The following PPCDC variants were observed in gnomAD, a reference collection of about 807,000 sequenced individuals.
PPCDC encodes phosphopantothenoylcysteine decarboxylase.
PPCDC carries 20 observed loss-of-function variants against 20.7 expected under a neutral mutation model. The observed-to-expected ratio is 0.97, with a 90% confidence interval of 0.68 to 1.41. The LOEUF (loss-of-function observed/expected upper bound fraction) is 1.41. Ranked by LOEUF, PPCDC falls within the 40% of genes most tolerant of loss-of-function variation. PPCDC has a pLI of 0.00. For missense variants in PPCDC, 246 were observed against 263.8 expected (o/e 0.93, Z 0.47); for synonymous variants, 88 against 100.3 (o/e 0.88, Z 0.73).
At position 75,049,965 on chromosome 15, in the gene PPCDC, C is replaced by G. The variant is rs1235790154; in HGVS notation, c.*730C>G. On this transcript the variant is annotated 3_prime_UTR_variant, in exon 6 of 6. Coordinates refer to ENST00000342932, the MANE Select transcript of PPCDC (RefSeq NM_021823.5). Reference sequence around the variant, plus strand: ...CAGTTTGGTTCAGGACTTAGCCTTCCTGACCTTCACTTACCTCAGCTATCT... The same window carrying G: ...CAGTTTGGTTCAGGACTTAGCCTTCGTGACCTTCACTTACCTCAGCTATCT... The G allele has an allele frequency of 6.6e-6, 1 of 152,226 alleles. No homozygotes were observed. Among genetic ancestry groups the G allele is most frequent in the African/African-American group, 2.4e-5 (1 of 41,454 alleles). The allele number at this position is 152,226 out of a possible 1,614,324, so 9.4% of individuals were successfully genotyped here. A position where few individuals can be genotyped will look rare whatever the true frequency, so the allele number is the denominator to read the frequency against.
At chr15:75,027,728 A>G (rs1415343559) in intron 1 of PPCDC, among the ~76,000 whole-genome samples, 1 of 152,034 alleles carries the variant, frequency 6.6e-6, no homozygotes, top group East Asian at 1.9e-4. Context: ...TTCTAAAACC[A>G]AAACTCCTCA....
At chr15:75,030,795 G>A (rs551913655) in intron 2 of PPCDC, among the ~76,000 whole-genome samples, 1 of 152,308 alleles carries the variant, frequency 6.6e-6, no homozygotes, top group Admixed American at 6.5e-5. Flanking sequence ...TGGGGTGTGG[G>A]CTGCAGGGAG....
At chr15:75,032,100 A>G (rs2066028287) in intron 2 of PPCDC, among the ~76,000 whole-genome samples, 1 of 152,168 alleles carries the variant, frequency 6.6e-6, no homozygotes, top group Non-Finnish European at 1.5e-5. Context: ...TTCAGGTTTG[A>G]AATAATCAGC....
chr15:75,028,080 T>G, intron 1 of PPCDC, 167 bp from the exon 2 acceptor site: 27 of 519,896 alleles, frequency 5.2e-5, no homozygotes, highest in East Asian at 1.4e-4. Context: ...GACTGGCCCA[T>G]GTGTGGGGAA....
chr15:75,048,870 C>A, intron 5 of PPCDC, 149 bp downstream of exon 5: 2 of 1,176,612 alleles, frequency 1.7e-6, no homozygotes, highest in Non-Finnish European at 2.4e-6. Context: ...AATCGTAATT[C>A]CTGCCTCCAG....
rs1173558489 is a variant in PPCDC at position 75,042,413 on chromosome 15, G to T, written c.136-1028G>T. Reference sequence around the variant, plus strand: ...CGCCTGTAACACTAGCACTTTGGGAGACTGGGGCGGGTGGATCACCTGAGG... The same window carrying T: ...CGCCTGTAACACTAGCACTTTGGGATACTGGGGCGGGTGGATCACCTGAGG... On this transcript the variant is annotated intron_variant, in intron 2 of 5. Transcript: ENST00000342932. Among the ~76,000 whole-genome samples, 4 of 152,246 alleles carry T rather than the reference G, an allele frequency of 2.6e-5. No homozygotes were observed. The East Asian group carries it at 7.7e-4, about 29-fold the overall frequency.
intron 2 of PPCDC, among the ~76,000 whole-genome samples, chr15:75,038,413 G>T (rs1028401295): frequency 6.6e-6 from 1 of 152,218 alleles, no homozygotes; most frequent in African/African-American, 2.4e-5. Flanking sequence ...GCAAACAGCA[G>T]ACCAACTCTG....
chr15:75,032,195 G>A (rs953781155), intron 2 of PPCDC, among the ~76,000 whole-genome samples: 3 of 152,130 alleles, frequency 2.0e-5, no homozygotes, highest in African/African-American at 4.8e-5. Flanking sequence ...GACAGACATC[G>A]CCCTAGCTTT....
chr15:75,023,931 G>C (rs1175289379), intron 1 of PPCDC, among the ~76,000 whole-genome samples: 2 of 152,166 alleles, frequency 1.3e-5, no homozygotes, highest in African/African-American at 4.8e-5. Flanking sequence ...TATTTGTCCA[G>C]TGTCGTTTAA....
At chr15:75,030,343 G>A (rs1305954709) in intron 2 of PPCDC, among the ~76,000 whole-genome samples, 1 of 152,202 alleles carries the variant, frequency 6.6e-6, no homozygotes, top group South Asian at 2.1e-4. Flanking sequence ...GGTTGTGTGT[G>A]TTTCCTGGCC....
intron 1 of PPCDC, among the ~76,000 whole-genome samples, chr15:75,024,908 C>A (rs1335220600): frequency 1.5e-5 from 2 of 130,452 alleles, no homozygotes; most frequent in African/African-American, 2.5e-5. Context: ...AATAGCTACA[C>A]ACTTTTTTTT....
chr15:75,025,726 A>G (rs1011428798), intron 1 of PPCDC, among the ~76,000 whole-genome samples: 1 of 152,158 alleles, frequency 6.6e-6, no homozygotes, highest in African/African-American at 2.4e-5. Context: ...GTCAGGTACT[A>G]CAGCTACCTG....
intron 2 of PPCDC, among the ~76,000 whole-genome samples, chr15:75,031,004 G>C (rs1003667653): frequency 6.6e-6 from 1 of 152,128 alleles, no homozygotes; most frequent in Non-Finnish European, 1.5e-5. Flanking sequence ...TGAGTATGTT[G>C]GGGCAGGTGG....
chr15:75,036,838 A>AT (rs1406724682), intron 2 of PPCDC, among the ~76,000 whole-genome samples: 1 of 151,474 alleles, frequency 6.6e-6, no homozygotes, highest in African/African-American at 2.4e-5. Context: ...TGATTGATTG[A>AT]TTATTTTTTT....
chr15:75,027,326 C>G (rs1160307927), intron 1 of PPCDC, among the ~76,000 whole-genome samples: 1 of 152,156 alleles, frequency 6.6e-6, no homozygotes, highest in Non-Finnish European at 1.5e-5. Context: ...CTGGCCCAAC[C>G]CGCCACGTGT....
intron 4 of PPCDC, chr15:75,044,821 G>A (rs995646450): frequency 5.2e-5 from 17 of 324,288 alleles, no homozygotes; most frequent in East Asian, 3.6e-4. Flanking sequence ...GTCCCTCCTC[G>A]TGGGCTGCCT....
chr15:75,026,163 A>G (rs767440853), intron 1 of PPCDC, among the ~76,000 whole-genome samples: 1 of 152,186 alleles, frequency 6.6e-6, no homozygotes, highest in Non-Finnish European at 1.5e-5. Context: ...CCTCAGAGAT[A>G]AAATTTGGCT....
intron 2 of PPCDC, among the ~76,000 whole-genome samples, chr15:75,039,227 T>C (rs2066122716): frequency 6.6e-6 from 1 of 152,226 alleles, no homozygotes; most frequent in South Asian, 2.1e-4. Flanking sequence ...TTGGTGGACC[T>C]CTGAATTCCA....
At chr15:75,037,577 T>A (rs2066100746) in intron 2 of PPCDC, among the ~76,000 whole-genome samples, 1 of 152,034 alleles carries the variant, frequency 6.6e-6, no homozygotes, top group Non-Finnish European at 1.5e-5. Flanking sequence ...TGAAATCCTG[T>A]CTCTAGTAAA....
Sources: gnomAD v4.1 joint callset for allele counts (sites outside exome capture counted in the v4.1 genomes callset) on GRCh38, gnomAD v4.1.1 for gene constraint, MANE v1.5 for transcripts, NCBI Gene and HGNC (gene_info 2026-07-23, HGNC 2026-07-21) for gene names.